TMEM117: variants seen among roughly 807,000 people sequenced by gnomAD.
The protein encoded by TMEM117 is transmembrane protein 117.
Under a neutral mutation model 52.4 loss-of-function variants are expected in TMEM117, and 27 were observed. The observed-to-expected ratio is 0.51, with a 90% confidence interval of 0.38 to 0.71. The LOEUF (loss-of-function observed/expected upper bound fraction) is 0.71. Among genes scored for constraint, TMEM117 ranks in the 30% least tolerant of loss-of-function variants. The probability of loss-of-function intolerance (pLI) is 0.00; values close to 1 mark genes in which losing one functional copy is unlikely to be tolerated. For synonymous variants in TMEM117, 215 were observed against 206.3 expected (o/e 1.04, Z -0.36); for missense variants, 556 against 630.5 (o/e 0.88, Z 1.26).
chr12:44,258,399 G>C (rs571853848), intron 5 of TMEM117, among the ~76,000 whole-genome samples: 1 of 152,164 alleles, frequency 6.6e-6, no homozygotes, highest in Admixed American at 6.6e-5. Context: ...TCATATGGCT[G>C]ATTATGAAGT....
chr12:44,235,672 T>C (rs1470674388), intron 5 of TMEM117, among the ~76,000 whole-genome samples: 1 of 151,778 alleles, frequency 6.6e-6, no homozygotes, highest in Non-Finnish European at 1.5e-5. Context: ...CTTCATCCAT[T>C]AACTTGTCTC....
chr12:44,350,027 A>T (rs1565743050), intron 6 of TMEM117, among the ~76,000 whole-genome samples: 1 of 151,980 alleles, frequency 6.6e-6, no homozygotes, highest in African/African-American at 2.4e-5. Context: ...CAGTTAATGG[A>T]CTATGTTTTC....
chr12:44,237,569 T>C (rs1950012318), intron 5 of TMEM117, among the ~76,000 whole-genome samples: 1 of 151,854 alleles, frequency 6.6e-6, no homozygotes, highest in Non-Finnish European at 1.5e-5. Flanking sequence ...ATACAAAAAT[T>C]TTCTGGGCAT....
intron 3 of TMEM117, among the ~76,000 whole-genome samples, chr12:44,101,007 G>A (rs1947851914): frequency 1.3e-5 from 2 of 151,804 alleles, no homozygotes; most frequent in East Asian, 1.9e-4. Flanking sequence ...CTGCAGATTC[G>A]GTGCCTGTTG....
chr12:44,318,824 A>C (rs1444767845), intron 6 of TMEM117, among the ~76,000 whole-genome samples: 1 of 152,158 alleles, frequency 6.6e-6, no homozygotes, highest in Non-Finnish European at 1.5e-5. Flanking sequence ...GGGATGACTC[A>C]GGATGCAAAT....
intron 5 of TMEM117, among the ~76,000 whole-genome samples, chr12:44,277,821 T>C (rs1477158288): frequency 7.2e-6 from 1 of 139,666 alleles, no homozygotes; most frequent in Non-Finnish European, 1.5e-5. Flanking sequence ...TAGAGTGCAG[T>C]GGTGTGATCT....
intron 2 of TMEM117, among the ~76,000 whole-genome samples, chr12:43,908,715 G>A (rs975769536): frequency 6.6e-6 from 1 of 152,062 alleles, no homozygotes; most frequent in Admixed American, 6.6e-5. Context: ...TGATAAAACA[G>A]GCTTTAAGCC....
rs184114711 is a variant in TMEM117, at chr12:44,178,786, C to G, written c.511-32504C>G. Among the ~76,000 whole-genome samples, 179 of 152,206 alleles carry G rather than the reference C, an allele frequency of 1.2e-3. 1 individual carries two copies. The highest frequency in any genetic ancestry group is 3.9e-3 in the African/African-American group (160 of 41,516). On this transcript the variant is annotated intron_variant, in intron 4 of 7. Transcript: ENST00000266534. ...TATCTACTTCTGAGAGTCTGGGATA[C>G]ACTTTAAATGGGATAATGTGTATAA...
chr12:44,388,949 A>G lies in TMEM117; in HGVS notation c.*277A>G, dbSNP rs190380999. ...CAGCATAGTGGAAGATTAGCTGATGACCCATGTATCTGATGTTCAACCATA... is the reference window on the plus strand; with the variant it reads ...CAGCATAGTGGAAGATTAGCTGATGGCCCATGTATCTGATGTTCAACCATA... On this transcript the variant is annotated 3_prime_UTR_variant, in exon 8 of 8. Coordinates refer to ENST00000266534, the MANE Select transcript of TMEM117 (RefSeq NM_032256.3). The G allele has an allele frequency of 2.7e-6, 1 of 376,246 alleles. No homozygotes were observed. Among genetic ancestry groups the G allele is most frequent in the African/African-American group, 2.0e-5 (1 of 49,418 alleles). 23.3% of individuals were successfully genotyped at this position (376,246 alleles called of 1,614,324 possible). A position where few individuals can be genotyped will look rare whatever the true frequency, so the allele number is the denominator to read the frequency against.
intron 2 of TMEM117, among the ~76,000 whole-genome samples, chr12:43,904,758 T>A (rs1245422507): frequency 6.6e-6 from 1 of 152,218 alleles, no homozygotes; most frequent in African/African-American, 2.4e-5. Context: ...GCAAGAAAAC[T>A]TTTTTACATT....
intron 4 of TMEM117, among the ~76,000 whole-genome samples, 194 bp downstream of exon 4, chr12:44,143,818 G>C (rs1283866063): frequency 1.3e-5 from 2 of 152,068 alleles, no homozygotes; most frequent in African/African-American, 4.8e-5. Flanking sequence ...AATGCAATTA[G>C]AATACAAGTA....
At chr12:43,970,958 CG>C (rs1010017680) in intron 3 of TMEM117, among the ~76,000 whole-genome samples, 2 of 152,040 alleles carry the variant, frequency 1.3e-5, no homozygotes, top group Non-Finnish European at 2.9e-5. Context: ...AATATGTCAA[CG>C]GTATTCAACC....
intron 6 of TMEM117, among the ~76,000 whole-genome samples, chr12:44,373,771 CTTTTTTTTTTTT>C (rs142046499): frequency 8.3e-5 from 5 of 60,080 alleles, no homozygotes; most frequent in East Asian, 6.3e-4. Flanking sequence ...TGTCCATTTC[CTTTTTTTTTTTT>C]TTTTTTTTTT....
intron 3 of TMEM117, among the ~76,000 whole-genome samples, chr12:44,100,353 CTAG>C (rs1210078198): frequency 6.6e-6 from 1 of 151,930 alleles, no homozygotes; most frequent in African/African-American, 2.4e-5. Context: ...ATGGGCAGTA[CTAG>C]CAGAGAGTTT....
At chr12:43,939,023 TA>T (rs1470579696) in intron 2 of TMEM117, among the ~76,000 whole-genome samples, 6 of 150,840 alleles carry the variant, frequency 4.0e-5, no homozygotes, top group South Asian at 4.2e-4. Flanking sequence ...AAATAAAAAA[TA>T]AAAAAAGAAA....
At chr12:43,880,394 C>CT (rs149446194) in intron 2 of TMEM117, among the ~76,000 whole-genome samples, 5,121 of 148,720 alleles carry the variant, frequency 0.034, 103 homozygotes, top group Middle Eastern at 0.087. Context: ...ATTTTTATTC[C>CT]TTTTTTTTTT....
At chr12:43,815,767 A>G in the TMEM117 span, among the ~76,000 whole-genome samples, 1 of 152,228 alleles carries the variant, frequency 6.6e-6, no homozygotes, top group Admixed American at 6.5e-5. Flanking sequence ...ACTTGCACAC[A>G]TGCAAAACAA....
chr12:43,825,528 A>G, the TMEM117 span, among the ~76,000 whole-genome samples: 1 of 152,186 alleles, frequency 6.6e-6, no homozygotes, highest in African/African-American at 2.4e-5. Context: ...TAAATCACAG[A>G]TGCATCTGTC....
intron 3 of TMEM117, among the ~76,000 whole-genome samples, chr12:44,095,935 T>C (rs1031239298): frequency 5.3e-5 from 8 of 152,150 alleles, no homozygotes; most frequent in African/African-American, 1.9e-4. Flanking sequence ...TTGTCCCTGT[T>C]TGTAGACGAC....
Sources: gnomAD v4.1 joint callset for allele counts (sites outside exome capture counted in the v4.1 genomes callset) on GRCh38, gnomAD v4.1.1 for gene constraint, MANE v1.5 for transcripts, NCBI Gene and HGNC (gene_info 2026-07-23, HGNC 2026-07-21) for gene names.